The following XPO1 variants were observed in gnomAD, a reference collection of about 807,000 sequenced individuals.
XPO1 encodes the protein exportin-1.
XPO1 carries 5 observed loss-of-function variants against 133.3 expected under a neutral mutation model. The observed-to-expected ratio is 0.04, with a 90% CI of 0.02 to 0.08. XPO1 has a LOEUF of 0.08. Among genes scored for constraint, XPO1 ranks in the 10% least tolerant of loss-of-function variants. The pLI is 1.00. For missense variants in XPO1, 506 were observed against 1,267.5 expected (o/e 0.40, Z 9.12); for synonymous variants, 419 against 408.2 (o/e 1.03, Z -0.32).
At chr2:61,513,363 C>CTT (rs55865110) in intron 4 of XPO1, among the ~76,000 whole-genome samples, 1 of 126,162 alleles carries the variant, frequency 7.9e-6, no homozygotes. Context: ...TACAGAATAT[C>CTT]TTTTTTTTTT....
chr2:61,538,072 TC>T lies in XPO1; in HGVS notation c.-518del, dbSNP rs1311992839. The T allele has an allele frequency of 1.5e-5, 1 of 64,550 alleles. No homozygotes were observed. Among genetic ancestry groups the T allele is most frequent in the Non-Finnish European group, 2.9e-5 (1 of 34,472 alleles). The allele number at this position is 64,550 out of a possible 1,614,324, so 4.0% of individuals were successfully genotyped here. On this transcript the variant is annotated 5_prime_UTR_variant, in exon 1 of 25. Coordinates refer to ENST00000401558, the MANE Select transcript of XPO1 (RefSeq NM_003400.4). ...CCCCCCCCAAGGCTCGCCTAAACTTTCCCCCCTTCTCTTGTTCCTCAGCGAC... is the reference window on the plus strand; with the variant it reads ...CCCCCCCCAAGGCTCGCCTAAACTTTCCCCCTTCTCTTGTTCCTCAGCGAC...
At position 61,495,460 on chromosome 2, in the gene XPO1, T is replaced by A; in HGVS notation, c.1042A>T (p.Met348Leu). Residue 348 changes from methionine to leucine, a missense_variant, in exon 11 of 25, where the codon ATG (methionine) becomes TTG (leucine). Met to Leu is a conservative substitution (Grantham distance 15). This residue lies in a region of XPO1 where 134 missense variants were observed against 261.6 expected (regional missense o/e 0.51). Transcript: ENST00000401558. ...EKRLNLRETL[M>L]EALHYMLLVS... ...AAAAGCTCCACATATCTTACCTCCATAAGAGTTTCCCTGAGATTTAATCTT... is the reference window on the plus strand; with the variant it reads ...AAAAGCTCCACATATCTTACCTCCAAAAGAGTTTCCCTGAGATTTAATCTT... The A allele has an allele frequency of 6.4e-7, 1 of 1,570,974 alleles. No homozygotes were observed.
chr2:61,530,212 A>T (rs1699091335), intron 2 of XPO1, among the ~76,000 whole-genome samples: 1 of 152,224 alleles, frequency 6.6e-6, no homozygotes, highest in South Asian at 2.1e-4. Flanking sequence ...TCTACACAGA[A>T]TCAAATACTT....
chr2:61,496,638 C>T (rs1558644212), intron 10 of XPO1, among the ~76,000 whole-genome samples: 1 of 152,198 alleles, frequency 6.6e-6, no homozygotes, highest in Non-Finnish European at 1.5e-5. Flanking sequence ...GGTCAGGTAT[C>T]TCCCAAAAGA....
intron 3 of XPO1, among the ~76,000 whole-genome samples, chr2:61,522,991 G>A (rs1466306238): frequency 6.6e-6 from 1 of 152,164 alleles, no homozygotes; most frequent in Non-Finnish European, 1.5e-5. Context: ...AGGAAAAGTA[G>A]CAGCCAGATA....
intron 4 of XPO1, among the ~76,000 whole-genome samples, chr2:61,516,037 A>C (rs1316778271): frequency 6.6e-6 from 1 of 151,568 alleles, no homozygotes; most frequent in Non-Finnish European, 1.5e-5. Context: ...GAGGCAGAAG[A>C]ATGGTGTGAA....
At chr2:61,490,357 C>A (rs528712765) in intron 17 of XPO1, among the ~76,000 whole-genome samples, 2 of 152,200 alleles carry the variant, frequency 1.3e-5, no homozygotes, top group South Asian at 2.1e-4. Context: ...TGCAACCACG[C>A]CCAGCTAATT....
At chr2:61,520,762 C>T (rs1396833840) in intron 4 of XPO1, among the ~76,000 whole-genome samples, 1 of 152,154 alleles carries the variant, frequency 6.6e-6, no homozygotes, top group Non-Finnish European at 1.5e-5. Flanking sequence ...AAAACATCTT[C>T]CAGAACCATC....
chr2:61,491,005 A>C (rs1696954219), intron 16 of XPO1, among the ~76,000 whole-genome samples: 2 of 152,130 alleles, frequency 1.3e-5, no homozygotes, highest in African/African-American at 4.8e-5. Context: ...AAATACAAAG[A>C]AATTAGCCAA....
intron 19 of XPO1, among the ~76,000 whole-genome samples, chr2:61,486,494 T>C (rs1286662335): frequency 6.6e-6 from 1 of 152,150 alleles, no homozygotes; most frequent in Non-Finnish European, 1.5e-5. Context: ...TCTTGCTCTG[T>C]CGCCCAGGCT....
rs1273011072 is a variant in XPO1, at chr2:61,488,600, T to C, written c.2194A>G (p.Ile732Val). The C allele has an allele frequency of 3.1e-6, 5 of 1,613,686 alleles. No homozygotes were observed. The highest frequency in any genetic ancestry group is 4.2e-6 in the Non-Finnish European group (5 of 1,179,756). ...CAGAATCACCTACCATTAGCTTGGA[T>C]AGCTGCAGAAATATTTTCACTGAGG... is the stretch of plus-strand genomic sequence containing the variant. ...KCLSENISAAIQANGEMVTKQ... is the reference protein window; with the variant it reads ...KCLSENISAAVQANGEMVTKQ... The change falls in exon 18 of 25, where the codon ATC becomes GTC. Residue 732 changes from isoleucine to valine, a missense_variant. This residue lies in a region of XPO1 where 60 missense variants were observed against 211.0 expected (regional missense o/e 0.28). Coordinates refer to ENST00000401558, the MANE Select transcript of XPO1 (RefSeq NM_003400.4).
chr2:61,527,140 G>A (rs559484945), intron 2 of XPO1, among the ~76,000 whole-genome samples: 2 of 152,014 alleles, frequency 1.3e-5, no homozygotes, highest in Non-Finnish European at 2.9e-5. Context: ...AAGCAAATAA[G>A]TTCTCAGCAC....
rs115967019 is a variant in XPO1, at chr2:61,531,134, C to T, written c.126+2638G>A. The stretch of plus-strand genomic sequence containing the variant: ...TACTCCTTTTCCTTTGAAATAAGAC[C>T]CCCAAGGAGGTGGTAAACGAAAAGT... On this transcript the variant is annotated intron_variant, in intron 2 of 24. Transcript: ENST00000401558. Among the ~76,000 whole-genome samples, 1,367 of 152,248 alleles carry T rather than the reference C, an allele frequency of 9.0e-3. 21 individuals carry two copies. The highest frequency in any genetic ancestry group is 0.031 in the African/African-American group (1,281 of 41,546).
intron 6 of XPO1, among the ~76,000 whole-genome samples, chr2:61,500,406 C>A (rs563841851): frequency 6.6e-6 from 1 of 151,948 alleles, no homozygotes; most frequent in African/African-American, 2.4e-5. Context: ...TGGTGAAACC[C>A]TGTCTCTACT....
intron 8 of XPO1, 28 bp from the exon 9 acceptor site, chr2:61,498,820 T>G (rs544866238): frequency 6.2e-7 from 1 of 1,610,880 alleles, no homozygotes; most frequent in Non-Finnish European, 8.5e-7. Context: ...TGTAAATAAT[T>G]GCTTTCCTAT....
At chr2:61,532,794 C>T (rs1558684113) in intron 2 of XPO1, among the ~76,000 whole-genome samples, 1 of 151,036 alleles carries the variant, frequency 6.6e-6, no homozygotes, top group African/African-American at 2.4e-5. Context: ...GAGACTGTGC[C>T]ACTGCACTCA....
Position 61,483,803 on chromosome 2 carries a change from G to A in XPO1, c.2677+134C>T, listed in dbSNP as rs75216917. ...GAACAGTTGATTAAACTGCTTATAG[G>A]ATTTTCTCAGATGTTCATATATGTA... On this transcript the variant is annotated intron_variant, in intron 21 of 24. Transcript: ENST00000401558. 3,838 of 1,014,212 alleles carry A rather than the reference G, an allele frequency of 3.8e-3. 102 individuals carry two copies. The African/African-American group carries it at 0.056, about 15-fold the overall frequency. The allele number at this position is 1,014,212 out of a possible 1,614,324, so 62.8% of individuals were successfully genotyped here.
intron 2 of XPO1, among the ~76,000 whole-genome samples, chr2:61,529,714 G>A (rs1175117802): frequency 6.6e-6 from 1 of 151,614 alleles, no homozygotes; most frequent in Non-Finnish European, 1.5e-5. Context: ...TGGCTTTGAT[G>A]CTTTATTTTA....
At chr2:61,514,875 G>A (rs1284356221) in intron 4 of XPO1, among the ~76,000 whole-genome samples, 3 of 151,936 alleles carry the variant, frequency 2.0e-5, no homozygotes, top group Non-Finnish European at 4.4e-5. Context: ...GGGAGTTTGA[G>A]ACCAGCCAGG....
Sources: allele counts gnomAD v4.1 joint callset (sites outside exome capture counted in the v4.1 genomes callset), GRCh38; gene constraint gnomAD v4.1.1; regional missense constraint gnomAD v4.1.1; transcripts MANE v1.5; gene names NCBI Gene and HGNC (gene_info 2026-07-23, HGNC 2026-07-21).